SPMIP3: variants seen among roughly 807,000 people sequenced by gnomAD.
The protein encoded by SPMIP3 is sperm microtubule inner protein 3, also known as protein SPMIP3.
chr1:244,366,634 C>T, the SPMIP3 span, among the ~76,000 whole-genome samples: 1 of 152,150 alleles, frequency 6.6e-6, no homozygotes, highest in Non-Finnish European at 1.5e-5. Flanking sequence ...AATCCCAGCA[C>T]TTTGGGAGGC....
the SPMIP3 span, among the ~76,000 whole-genome samples, chr1:244,360,538 ACACACACACACACACACACATGCATG>A: frequency 3.4e-4 from 21 of 62,408 alleles, no homozygotes; most frequent in South Asian, 2.1e-3. Flanking sequence ...ACACACACAC[ACACACACACACACACACACATGCATG>A]CATGGAATAT....
the SPMIP3 span, among the ~76,000 whole-genome samples, chr1:244,384,495 C>T: frequency 6.6e-6 from 1 of 152,156 alleles, no homozygotes; most frequent in South Asian, 2.1e-4. Context: ...TGAGCCACCA[C>T]ACCTGGCCAG....
At chr1:244,379,909 G>A in the SPMIP3 span, among the ~76,000 whole-genome samples, 585 of 151,458 alleles carry the variant, frequency 3.9e-3, 5 homozygotes, top group African/African-American at 0.013. Flanking sequence ...CGGAGGTTGC[G>A]GTGAGCCGAG....
the SPMIP3 span, chr1:244,388,974 G>A: frequency 1.2e-6 from 2 of 1,613,786 alleles, no homozygotes; most frequent in Non-Finnish European, 1.7e-6. Context: ...ATTAGCCACA[G>A]TTTCGCTGAA....
At chr1:244,359,479 T>A in the SPMIP3 span, among the ~76,000 whole-genome samples, 1 of 152,142 alleles carries the variant, frequency 6.6e-6, no homozygotes, top group African/African-American at 2.4e-5. Flanking sequence ...AATCCCACTT[T>A]GGGAGGCAGA....
chr1:244,375,739 A>C, the SPMIP3 span, among the ~76,000 whole-genome samples: 2 of 152,034 alleles, frequency 1.3e-5, no homozygotes, highest in Non-Finnish European at 2.9e-5. Flanking sequence ...ATCTTGCCTC[A>C]CCACAACCTC....
the SPMIP3 span, chr1:244,364,622 A>G: frequency 1.5e-5 from 20 of 1,329,966 alleles, no homozygotes; most frequent in Middle Eastern, 3.6e-4. Context: ...GTGGTACTAG[A>G]TATCTCACCC....
the SPMIP3 span, chr1:244,389,158 T>G: frequency 1.1e-6 from 1 of 941,970 alleles, no homozygotes. Context: ...TCAGTTTCAG[T>G]GTGTATACAG....
chr1:244,375,778 C>G, the SPMIP3 span, among the ~76,000 whole-genome samples: 1 of 152,046 alleles, frequency 6.6e-6, no homozygotes, highest in African/African-American at 2.4e-5. Flanking sequence ...AATTCTCATG[C>G]CTCAGCCTCC....
chr1:244,386,630 C>T, the SPMIP3 span, among the ~76,000 whole-genome samples: 4 of 152,144 alleles, frequency 2.6e-5, no homozygotes, highest in South Asian at 2.1e-4. Context: ...GCCATCATTG[C>T]TATTTGACTC....
At chr1:244,375,887 G>A in the SPMIP3 span, among the ~76,000 whole-genome samples, 14 of 152,058 alleles carry the variant, frequency 9.2e-5, no homozygotes, top group Admixed American at 2.0e-4. Context: ...GGCTGGTCTC[G>A]AACTTCTGGC....
chr1:244,379,602 T>C, the SPMIP3 span, among the ~76,000 whole-genome samples: 1 of 152,334 alleles, frequency 6.6e-6, no homozygotes, highest in African/African-American at 2.4e-5. Context: ...TTTCAAACTT[T>C]ATGACAATGA....
chr1:244,373,347 T>TATATATATATATATATATATATATGC, the SPMIP3 span, among the ~76,000 whole-genome samples: 1 of 138,062 alleles, frequency 7.2e-6, no homozygotes, highest in Non-Finnish European at 1.6e-5. Flanking sequence ...TATATATATA[T>TATATATATATATATATATATATATGC]ATGCATGCCA....
the SPMIP3 span, among the ~76,000 whole-genome samples, chr1:244,361,202 A>G: frequency 2.0e-5 from 3 of 150,286 alleles, no homozygotes; most frequent in African/African-American, 7.3e-5. Flanking sequence ...TATTGTCTAT[A>G]ATTTATCGTA....
chr1:244,360,883 C>CA, the SPMIP3 span, among the ~76,000 whole-genome samples: 764 of 137,990 alleles, frequency 5.5e-3, 11 homozygotes, highest in African/African-American at 0.013. Flanking sequence ...GACTCCGTCT[C>CA]AAAAAAAAAA....
chr1:244,378,469 C>T, the SPMIP3 span: 1,949 of 1,606,050 alleles, frequency 1.2e-3, 1 homozygote, highest in Admixed American at 1.6e-3. Flanking sequence ...CCATTTAGAC[C>T]GCTCATAGAC....
chr1:244,375,477 C>T, the SPMIP3 span: 4 of 1,604,344 alleles, frequency 2.5e-6, no homozygotes, highest in Non-Finnish European at 3.4e-6. Context: ...GGTGAGACAC[C>T]TCCTCAATCC....
the SPMIP3 span, among the ~76,000 whole-genome samples, chr1:244,383,619 G>C: frequency 2.6e-5 from 4 of 152,222 alleles, 1 homozygote; most frequent in South Asian, 8.3e-4. Context: ...CTTAGGAAAT[G>C]ATGAGCCAAG....
At chr1:244,363,844 A>G in the SPMIP3 span, among the ~76,000 whole-genome samples, 1 of 152,192 alleles carries the variant, frequency 6.6e-6, no homozygotes, top group Non-Finnish European at 1.5e-5. Flanking sequence ...GAGAAGATCA[A>G]GGCAGCAGCC....
Sources: gnomAD v4.1 joint callset for allele counts (sites outside exome capture counted in the v4.1 genomes callset) on GRCh38, gnomAD v4.1.1 for gene constraint, MANE v1.5 for transcripts, NCBI Gene and HGNC (gene_info 2026-07-23, HGNC 2026-07-21) for gene names.